The following TAOK3 variants were observed in gnomAD, a reference collection of about 807,000 sequenced individuals.
TAOK3 encodes TAO kinase 3.
In TAOK3, 40 loss-of-function variants were observed where a neutral mutation model predicts 120.4. The ratio of observed to expected loss-of-function variants is 0.33; its 90% CI spans 0.26 to 0.43. TAOK3 has a LOEUF of 0.43. TAOK3 is among the 20% of genes least tolerant of loss of function. The probability of loss-of-function intolerance (pLI) is 1.00; values close to 1 mark genes in which losing one functional copy is unlikely to be tolerated. For missense variants in TAOK3, 821 were observed against 1,112.1 expected, an observed-to-expected ratio of 0.74 and a Z score of 3.72; for synonymous variants, 355 against 387.5, an observed-to-expected ratio of 0.92 and a Z score of 0.99.
chr12:118,178,965 C>G (rs575890961), intron 15 of TAOK3, among the ~76,000 whole-genome samples: 1 of 152,280 alleles, frequency 6.6e-6, no homozygotes, highest in South Asian at 2.1e-4. Flanking sequence ...TGGCTCATGG[C>G]TCTTTTTACG....
intron 14 of TAOK3, among the ~76,000 whole-genome samples, chr12:118,188,169 C>T (rs373408720): frequency 1.3e-5 from 2 of 152,168 alleles, no homozygotes; most frequent in Non-Finnish European, 2.9e-5. Flanking sequence ...TGATGGTACT[C>T]GGTTGCTCAG....
At position 118,150,887 on chromosome 12, in the gene TAOK3, A is replaced by G. The variant is rs2034342444; in HGVS notation, c.*110T>C. 1.8e-6 allele frequency: 2 copies of G among 1,109,870 alleles called. No individual in the cohort carries two copies. The highest frequency in any genetic ancestry group is 1.6e-5 in the African/African-American group (1 of 63,086). The allele number at this position is 1,109,870 out of a possible 1,614,324, so 68.8% of individuals were successfully genotyped here. The stretch of plus-strand genomic sequence containing the variant: ...CGATGTCAGTAAGAGTAAGAGAGAG[A>G]GAGAGTGAGAGCAACGCCCGTTAAA... On this transcript the variant is annotated 3_prime_UTR_variant, in exon 21 of 21. Coordinates refer to ENST00000392533, the MANE Select transcript of TAOK3 (RefSeq NM_016281.4).
chr12:118,278,580 T>C (rs2041984282), intron 1 of TAOK3, among the ~76,000 whole-genome samples: 1 of 152,188 alleles, frequency 6.6e-6, no homozygotes, highest in Non-Finnish European at 1.5e-5. Flanking sequence ...GTCTTTGTTA[T>C]TGTGAAAAGT....
intron 1 of TAOK3, among the ~76,000 whole-genome samples, chr12:118,368,541 C>G (rs971440116): frequency 6.8e-6 from 1 of 146,322 alleles, no homozygotes; most frequent in Non-Finnish European, 1.5e-5. Flanking sequence ...AGCGGTGGCT[C>G]ACGCCTGTAA....
At chr12:118,311,282 G>A (rs565549284) in intron 1 of TAOK3, among the ~76,000 whole-genome samples, 2 of 152,316 alleles carry the variant, frequency 1.3e-5, no homozygotes, top group East Asian at 3.9e-4. Flanking sequence ...CAAACATGGT[G>A]AAACCCTGTC....
chr12:118,207,124 C>T (rs1379241477), intron 11 of TAOK3, among the ~76,000 whole-genome samples: 3 of 150,832 alleles, frequency 2.0e-5, no homozygotes, highest in African/African-American at 4.9e-5. Context: ...GTCAGGAGTT[C>T]GAGACCAGCC....
chr12:118,351,238 A>G (rs114325647), intron 1 of TAOK3, among the ~76,000 whole-genome samples: 158 of 152,322 alleles, frequency 1.0e-3, no homozygotes, highest in African/African-American at 3.7e-3. Flanking sequence ...TAGTTTGTAT[A>G]CTTATTTAGG....
intron 19 of TAOK3, among the ~76,000 whole-genome samples, chr12:118,157,960 T>C (rs1489047750): frequency 1.3e-5 from 2 of 152,196 alleles, no homozygotes; most frequent in East Asian, 1.9e-4. Flanking sequence ...TCACTTACCA[T>C]CTGGATTTCA....
intron 1 of TAOK3, among the ~76,000 whole-genome samples, chr12:118,350,596 C>T (rs190159189): frequency 3.9e-5 from 6 of 152,126 alleles, no homozygotes; most frequent in East Asian, 1.9e-4. Context: ...TGGTGACTCA[C>T]GCCTGTAATC....
intron 1 of TAOK3, among the ~76,000 whole-genome samples, chr12:118,318,313 ACGCC>A (rs2043558521): frequency 6.6e-6 from 1 of 151,936 alleles, no homozygotes; most frequent in African/African-American, 2.4e-5. Flanking sequence ...ACGCACCACC[ACGCC>A]CAGCTAATTT....
At chr12:118,192,038 C>T (rs1038682423) in intron 13 of TAOK3, among the ~76,000 whole-genome samples, 1 of 152,148 alleles carries the variant, frequency 6.6e-6, no homozygotes, top group South Asian at 2.1e-4. Flanking sequence ...ACACTAGAAT[C>T]CACATTCTCC....
intron 1 of TAOK3, among the ~76,000 whole-genome samples, chr12:118,366,291 A>G (rs1159080771): frequency 5.3e-5 from 8 of 152,172 alleles, no homozygotes; most frequent in Admixed American, 3.3e-4. Context: ...AAAATAAAAA[A>G]TAAAGAAAAT....
chr12:118,293,673 CA>C (rs1001779572), intron 1 of TAOK3, among the ~76,000 whole-genome samples: 107 of 119,654 alleles, frequency 8.9e-4, no homozygotes, highest in African/African-American at 1.2e-3. Flanking sequence ...GACTCTGTCT[CA>C]AAAAAAAAAA....
In TAOK3 at chr12:118,172,342, C is replaced by T. The variant is rs545163102; in HGVS notation, c.1899+115G>A. 146 of 1,143,008 alleles carry T rather than the reference C, an allele frequency of 1.3e-4. 3 individuals are homozygous for T. In the South Asian group the frequency reaches 1.7e-3, roughly 13 times the overall value. The allele number at this position is 1,143,008 out of a possible 1,614,324, so 70.8% of individuals were successfully genotyped here. On this transcript the variant is annotated intron_variant, in intron 17 of 20. Transcript: ENST00000392533. The stretch of plus-strand genomic sequence containing the variant: ...TACCTACTCTGTGTTAGCCACTGTG[C>T]TAAAAGGCTAGAAAGGCTAGGGATA...
chr12:118,205,366 C>CA lies in TAOK3; in HGVS notation c.820-3904dup, dbSNP rs1207495126. Among the ~76,000 whole-genome samples, 1,248 of 127,914 alleles carry CA rather than the reference C, an allele frequency of 9.8e-3. 7 individuals carry two copies. Among genetic ancestry groups the CA allele is most frequent in the Middle Eastern group, 0.028 (7 of 250 alleles). The allele number at this position is 127,914 out of a possible 152,430, so 83.9% of individuals were successfully genotyped here. ...TGGGTGACATAGAAAGACTCTGTCT[C>CA]AAAAAAAAAAAAAGAAAGAAAATTT... On this transcript the variant is annotated intron_variant, in intron 11 of 20. Transcript: ENST00000392533.
intron 1 of TAOK3, among the ~76,000 whole-genome samples, chr12:118,301,777 A>G (rs979953015): frequency 1.0e-4 from 15 of 147,604 alleles, no homozygotes; most frequent in African/African-American, 3.8e-4. Context: ...GGGAGGCGGA[A>G]GTTGCAGTGA....
chr12:118,315,800 T>C (rs2043435623), intron 1 of TAOK3, among the ~76,000 whole-genome samples: 1 of 151,950 alleles, frequency 6.6e-6, no homozygotes, highest in African/African-American at 2.4e-5. Flanking sequence ...GGAATACATA[T>C]ATGCACATGA....
intron 1 of TAOK3, among the ~76,000 whole-genome samples, chr12:118,331,685 T>G (rs932693664): frequency 6.6e-6 from 1 of 150,814 alleles, no homozygotes. Context: ...TATCTGACTT[T>G]ACAGTAGTCT....
chr12:118,242,960 T>C (rs2040320219), intron 5 of TAOK3, among the ~76,000 whole-genome samples: 1 of 151,788 alleles, frequency 6.6e-6, no homozygotes. Flanking sequence ...TATATCACAA[T>C]AAGATGACAG....
Sources: allele counts gnomAD v4.1 joint callset (sites outside exome capture counted in the v4.1 genomes callset), GRCh38; gene constraint gnomAD v4.1.1; transcripts MANE v1.5; gene names NCBI Gene and HGNC (gene_info 2026-07-23, HGNC 2026-07-21).